Variants in ZAN observed in about 807,000 individuals in gnomAD.
ZAN encodes zonadhesin.
Under a neutral mutation model 286.2 loss-of-function variants are expected in ZAN, and 260 were observed. The observed-to-expected ratio is 0.91, with a 90% CI of 0.82 to 1.01. The LOEUF is 1.01. ZAN is among the 50% of genes least tolerant of loss of function. The pLI is 0.00. For missense variants in ZAN, 3,410 were observed against 3,639.2 expected (o/e 0.94, Z 1.62); for synonymous variants, 1,368 against 1,417.5 (o/e 0.97, Z 0.79).
At chr7:100,792,527 G>A (rs148236040) in intron 42 of ZAN, 48 bp downstream of exon 42, 28,341 of 1,610,642 alleles carry the variant, frequency 0.018, 288 homozygotes, top group Non-Finnish European at 0.02. Context: ...GCTGGCTGGC[G>A]GGACCGCACC....
intron 31 of ZAN, 127 bp from the exon 32 acceptor site, chr7:100,775,201 C>T: frequency 7.1e-7 from 1 of 1,399,692 alleles, no homozygotes. Context: ...GCATGAGCCA[C>T]TGCGCACAGC....
At chr7:100,779,125 C>A (rs1273495787) in intron 34 of ZAN, among the ~76,000 whole-genome samples, 1 of 151,804 alleles carries the variant, frequency 6.6e-6, no homozygotes, top group Non-Finnish European at 1.5e-5. Context: ...ATCGCTTGAA[C>A]CCGGGAGGCG....
chr7:100,777,955 G>T (rs1438354499), intron 34 of ZAN, among the ~76,000 whole-genome samples: 2 of 152,128 alleles, frequency 1.3e-5, no homozygotes, highest in Non-Finnish European at 2.9e-5. Flanking sequence ...CCATCTCAAG[G>T]CTGCTAGAAC....
chr7:100,752,932 A>G lies in ZAN; in HGVS notation c.2827A>G (p.Ile943Val), dbSNP rs781575693. 4 of 1,609,838 alleles carry G rather than the reference A, an allele frequency of 2.5e-6. No individual in the cohort carries two copies. In the East Asian group the frequency reaches 9.0e-5, roughly 36 times the overall value. ...ETTISTEKLT[I>V]PTEKPTISPE... ...TACCATCTCCACAGAAAAACTCACC[A>G]TCCCCACAGAAAAACCCACCATCTC... The change falls in exon 14 of 48, where the codon ATC (isoleucine) becomes GTC (valine). Residue 943 changes from isoleucine to valine, a missense_variant. Physicochemically the swap from Ile to Val is conservative, Grantham distance 29. Transcript: ENST00000613979.
At chr7:100,794,375 C>A (rs1243328177) in intron 44 of ZAN, 117 bp downstream of exon 44, 16 of 1,472,752 alleles carry the variant, frequency 1.1e-5, no homozygotes, top group African/African-American at 8.5e-5. Flanking sequence ...GGATGTCTGT[C>A]CCTGCCTTTG....
chr7:100,748,440 A>G lies in ZAN; in HGVS notation c.1219A>G (p.Met407Val), dbSNP rs1270440159. The change falls in exon 11 of 48, where the codon ATG becomes GTG. Residue 407 changes from methionine (M) to valine (V), a missense_variant. Coordinates refer to ENST00000613979, the MANE Select transcript of ZAN (RefSeq NM_003386.3). ...LGHKNGPVHG[M>V]GPAGGFPNAG... Reference sequence around the variant, plus strand: ...ACATAAAAATGGACCCGTCCATGGCATGGGCCCTGCGGGAGGTTTCCCTAA... The same window carrying G: ...ACATAAAAATGGACCCGTCCATGGCGTGGGCCCTGCGGGAGGTTTCCCTAA... 6.2e-7 allele frequency: 1 copy of G among 1,613,468 alleles called. No homozygotes were observed. Among genetic ancestry groups the G allele is most frequent in the Non-Finnish European group, 8.5e-7 (1 of 1,179,766 alleles).
At chr7:100,750,099 C>CACACACAT (rs996745393) in intron 11 of ZAN, among the ~76,000 whole-genome samples, 16 of 147,970 alleles carry the variant, frequency 1.1e-4, no homozygotes, top group African/African-American at 3.8e-4. Flanking sequence ...CACACACACA[C>CACACACAT]GACATTAATG....
At chr7:100,772,908 G>A (rs1810480960) in intron 29 of ZAN, among the ~76,000 whole-genome samples, 1 of 131,902 alleles carries the variant, frequency 7.6e-6, no homozygotes, top group African/African-American at 2.9e-5. Context: ...GAGTCTCGCT[G>A]TCGCCCAGGC....
In ZAN at chr7:100,772,003, G is replaced by A. The variant is rs267601188; in HGVS notation, c.5408G>A (p.Arg1803Gln). The change falls in exon 29 of 48, where the codon CGG becomes CAG. Residue 1803 changes from arginine to glutamine, a missense_variant. By Grantham distance (43) the Arg-to-Gln change is conservative. Transcript: ENST00000613979. ...CAQAGQAPAW[R>Q]NRTFCPMRCP... is the part of the protein sequence containing the mutation. ...CAGGCTGGCCAGGCCCCTGCCTGGCGGAACAGAACCTTCTGCCGTGAGTGA... is the reference window on the plus strand; with the variant it reads ...CAGGCTGGCCAGGCCCCTGCCTGGCAGAACAGAACCTTCTGCCGTGAGTGA... The A allele has an allele frequency of 3.7e-5, 59 of 1,601,404 alleles. No individual in the cohort carries two copies. Among genetic ancestry groups the A allele is most frequent in the East Asian group, 3.4e-4 (15 of 44,658 alleles).
intron 38 of ZAN, among the ~76,000 whole-genome samples, chr7:100,788,803 A>G (rs887188757): frequency 1.2e-4 from 19 of 152,036 alleles, no homozygotes; most frequent in African/African-American, 4.6e-4. Flanking sequence ...GGTTCAAGTG[A>G]TTATCCTGCC....
Position 100,736,981 on chromosome 7 carries a change from C to G in ZAN, c.426C>G (p.Gly142=). 1 of 1,502,584 alleles carries G rather than the reference C, an allele frequency of 6.7e-7. No individual in the cohort carries two copies. Among genetic ancestry groups the G allele is most frequent in the South Asian group, 1.2e-5 (1 of 86,236 alleles). The allele number at this position is 1,502,584 out of a possible 1,614,324, so 93.1% of individuals were successfully genotyped here. The change falls in exon 5 of 48, where the codon GGC becomes GGG. Residue 142 remains glycine (G), a synonymous_variant. Transcript: ENST00000613979. Reference sequence around the variant, plus strand: ...TGCTGCTGCTCTCGGGTGAAGAGGGCCGCCGCCCCGATGTGCTCTGGAAAC... The same window carrying G: ...TGCTGCTGCTCTCGGGTGAAGAGGGGCGCCGCCCCGATGTGCTCTGGAAAC... The part of the protein sequence containing the change: ...LRLLLLSGEE[G]RRPDVLWKHW...
intron 14 of ZAN, among the ~76,000 whole-genome samples, chr7:100,753,972 C>T (rs990838424): frequency 3.9e-5 from 6 of 152,092 alleles, no homozygotes; most frequent in Admixed American, 6.6e-5. Flanking sequence ...AGCAGCCACT[C>T]CCCACTCCGC....
At chr7:100,766,755 C>G in intron 24 of ZAN, 89 bp downstream of exon 24, 1 of 1,483,332 alleles carries the variant, frequency 6.7e-7, no homozygotes, top group South Asian at 1.4e-5. Flanking sequence ...CTTCCCCAGA[C>G]AGCTGAGTCT....
At chr7:100,734,845 G>T (rs1487509353) in intron 2 of ZAN, among the ~76,000 whole-genome samples, 1 of 140,282 alleles carries the variant, frequency 7.1e-6, no homozygotes, top group Non-Finnish European at 1.6e-5. Context: ...AAGACCCAGG[G>T]TGGACCCAGC....
Position 100,790,937 on chromosome 7 carries a change from C to A in ZAN, c.7358-5C>A. On this transcript the variant is annotated splice_region_variant and splice_polypyrimidine_tract_variant and intron_variant, in intron 39 of 47. Coordinates refer to ENST00000613979, the MANE Select transcript of ZAN (RefSeq NM_003386.3). ...TCACTTCTGGGGACCCCCTTCCTCC[C>A]GCAGTGATCTCCCTACCCAGCATGT... 2 of 1,607,328 alleles carry A rather than the reference C, an allele frequency of 1.2e-6. No homozygotes were observed. The highest frequency in any genetic ancestry group is 2.2e-5 in the East Asian group (1 of 44,582).
rs909193472 is a variant in ZAN, at chr7:100,736,722, T to C, written c.254-87T>C. 7 of 1,470,428 alleles carry C rather than the reference T, an allele frequency of 4.8e-6. No individual in the cohort carries two copies. In the South Asian group the frequency reaches 7.1e-5, roughly 15 times the overall value. 91.1% of individuals were successfully genotyped at this position (1,470,428 alleles called of 1,614,324 possible). ...GAGAGAGAAGGGAGGCAGCCAGACC[T>C]GGATGCCTGGGCTCTGAGAAGGGGA... On this transcript the variant is annotated intron_variant, in intron 4 of 47. Coordinates refer to ENST00000613979, the MANE Select transcript of ZAN (RefSeq NM_003386.3).
chr7:100,757,421 C>T (rs1809222362), intron 15 of ZAN, among the ~76,000 whole-genome samples: 1 of 152,148 alleles, frequency 6.6e-6, no homozygotes, highest in African/African-American at 2.4e-5. Flanking sequence ...CAAGTATTTA[C>T]TGAATGAGAG....
intron 22 of ZAN, among the ~76,000 whole-genome samples, chr7:100,764,733 CTGTG>C (rs1809834593): frequency 6.6e-6 from 1 of 151,128 alleles, no homozygotes; most frequent in Non-Finnish European, 1.5e-5. Flanking sequence ...CAAAAATTAG[CTGTG>C]TGTGGCAACG....
At chr7:100,769,370 A>C (rs1810221828) in intron 27 of ZAN, among the ~76,000 whole-genome samples, 1 of 152,072 alleles carries the variant, frequency 6.6e-6, no homozygotes, top group African/African-American at 2.4e-5. Flanking sequence ...CTGGGATTAC[A>C]GGTGTGAGCC....
Sources: allele counts gnomAD v4.1 joint callset (sites outside exome capture counted in the v4.1 genomes callset), GRCh38; gene constraint gnomAD v4.1.1; transcripts MANE v1.5; gene names NCBI Gene and HGNC (gene_info 2026-07-23, HGNC 2026-07-21).